The following CASQ1 variants were observed in gnomAD, a reference collection of about 807,000 sequenced individuals.
CASQ1 encodes calsequestrin 1.
CASQ1 carries 40 observed loss-of-function variants against 49.5 expected under a neutral mutation model. The observed-to-expected ratio is 0.81, with a 90% CI of 0.63 to 1.05. CASQ1 has a LOEUF of 1.05. CASQ1 is among the 50% of genes least tolerant of loss of function. The pLI is 0.00. For missense variants in CASQ1, 469 were observed against 486.9 expected (o/e 0.96, Z 0.35); for synonymous variants, 174 against 187.2 (o/e 0.93, Z 0.58).
At chr1:160,195,794 C>T (rs1438418500) in intron 5 of CASQ1, 103 bp from the exon 6 acceptor site, 49 of 1,330,540 alleles carry the variant, frequency 3.7e-5, no homozygotes, top group African/African-American at 5.8e-5. Flanking sequence ...ACAAGGATCC[C>T]GGCTTTCTGA....
intron 10 of CASQ1, 71 bp from the exon 11 acceptor site, chr1:160,201,174 A>T: frequency 6.7e-7 from 1 of 1,493,574 alleles, no homozygotes; most frequent in Non-Finnish European, 9.2e-7. Flanking sequence ...TACAGAGTCC[A>T]GTGAGTGGGA....
intron 8 of CASQ1, 50 bp from the exon 9 acceptor site, chr1:160,198,891 GTTTCACCTGGGT>G (rs1414969139): frequency 1.6e-6 from 2 of 1,220,718 alleles, no homozygotes; most frequent in African/African-American, 3.0e-5. Flanking sequence ...CTGCACTCCT[GTTTCACCTGGGT>G]CCCTTTCCTC....
At chr1:160,193,985 CACCACACGCACACACACCATA>C (rs1654141966) in intron 3 of CASQ1, 138 bp downstream of exon 3, 1 of 624,326 alleles carries the variant, frequency 1.6e-6, no homozygotes, top group Non-Finnish European at 2.9e-6. Context: ...ACCATACATA[CACCACACGCACACACACCATA>C]CATACACACA....
At chr1:160,193,542 C>G (rs542501041) in intron 2 of CASQ1, among the ~76,000 whole-genome samples, 6 of 152,142 alleles carry the variant, frequency 3.9e-5, no homozygotes, top group African/African-American at 1.4e-4. Flanking sequence ...ACGCTAGCCC[C>G]CTAGGCTTAA....
At chr1:160,193,598 G>T (rs1179687666) in intron 2 of CASQ1, 149 bp from the exon 3 acceptor site, 2 of 573,850 alleles carry the variant, frequency 3.5e-6, no homozygotes, top group Non-Finnish European at 6.2e-6. Context: ...GGTCAGAGGA[G>T]GTGGGTGGGG....
chr1:160,201,086 TAAC>T, intron 10 of CASQ1, among the ~76,000 whole-genome samples, 156 bp from the exon 11 acceptor site: 1 of 1,370 alleles, frequency 7.3e-4, no homozygotes, highest in Non-Finnish European at 1.5e-3. Context: ...TTCTAACCCA[TAAC>T]CCATACCTTC....
chr1:160,200,299 A>T (rs1458370384), intron 10 of CASQ1, among the ~76,000 whole-genome samples: 2 of 152,232 alleles, frequency 1.3e-5, no homozygotes. Context: ...TCAGGGCAGA[A>T]GTCTTCTTAT....
intron 4 of CASQ1, 63 bp from the exon 5 acceptor site, chr1:160,195,398 G>A: frequency 6.9e-7 from 1 of 1,457,828 alleles, no homozygotes; most frequent in Non-Finnish European, 9.6e-7. Flanking sequence ...GGACGATAGT[G>A]GGGGATGATT....
Position 160,201,202 on chromosome 1 carries a change from C to T in CASQ1, c.1060-43C>T, listed in dbSNP as rs200084867. Reference sequence around the variant, plus strand: ...GAGTGGGAAGACAGATCCTAAGACCCGGGTTGGACTTAGCTTCCGTCCCTG... The same window carrying T: ...GAGTGGGAAGACAGATCCTAAGACCTGGGTTGGACTTAGCTTCCGTCCCTG... On this transcript the variant is annotated intron_variant, in intron 10 of 10. Transcript: ENST00000368078. 8.2e-4 allele frequency: 1,307 copies of T among 1,596,556 alleles called. 17 individuals carry two copies. In the South Asian group the frequency reaches 0.012, roughly 15 times the overall value.
At chr1:160,192,181 G>A (rs1041185417) in intron 1 of CASQ1, among the ~76,000 whole-genome samples, 1 of 151,442 alleles carries the variant, frequency 6.6e-6, no homozygotes, top group Admixed American at 6.6e-5. Context: ...GAAGTAGAGT[G>A]CGAAAGGGGA....
chr1:160,199,357 C>T (rs2101678247), intron 9 of CASQ1, among the ~76,000 whole-genome samples: 1 of 152,306 alleles, frequency 6.6e-6, no homozygotes, highest in South Asian at 2.1e-4. Context: ...GGTATACACA[C>T]TCAATCATAG....
intron 10 of CASQ1, among the ~76,000 whole-genome samples, chr1:160,200,986 A>G (rs1395715460): frequency 6.6e-6 from 1 of 152,242 alleles, no homozygotes; most frequent in Non-Finnish European, 1.5e-5. Context: ...ATAATAGGGA[A>G]GTTCAGTGTG....
intron 3 of CASQ1, 57 bp downstream of exon 3, chr1:160,193,904 A>G: frequency 9.1e-7 from 1 of 1,093,624 alleles, no homozygotes; most frequent in Middle Eastern, 2.1e-4. Flanking sequence ...CCTGCCCCCT[A>G]GTCCCTACCA....
intron 10 of CASQ1, among the ~76,000 whole-genome samples, chr1:160,200,453 C>T (rs1654343356): frequency 6.6e-6 from 1 of 152,058 alleles, no homozygotes; most frequent in Non-Finnish European, 1.5e-5. Flanking sequence ...AATAACGATA[C>T]AAATAAGACA....
intron 2 of CASQ1, 105 bp from the exon 3 acceptor site, chr1:160,193,642 C>A (rs532007311): frequency 1.4e-6 from 1 of 689,814 alleles, no homozygotes; most frequent in South Asian, 1.9e-5. Context: ...TGTGGGGCCC[C>A]GGTGATTATC....
At chr1:160,195,324 C>T in intron 4 of CASQ1, 137 bp from the exon 5 acceptor site, 1 of 831,500 alleles carries the variant, frequency 1.2e-6, no homozygotes. Flanking sequence ...ATTCCACCTT[C>T]CCCTCACTCT....
chr1:160,191,133 G>A, intron 1 of CASQ1, 103 bp downstream of exon 1: 1 of 1,267,786 alleles, frequency 7.9e-7, no homozygotes, highest in Non-Finnish European at 1.1e-6. Context: ...CTGGGGGTGA[G>A]GGGCAGTGTG....
At chr1:160,191,882 C>G (rs564272589) in intron 1 of CASQ1, among the ~76,000 whole-genome samples, 2 of 152,314 alleles carry the variant, frequency 1.3e-5, no homozygotes, top group African/African-American at 4.8e-5. Flanking sequence ...GGGTGAGACA[C>G]CAGAACCACA....
chr1:160,193,811 G>A lies in CASQ1; in HGVS notation c.429G>A (p.Glu143=). ...KGDEVIEYDG[E]FSADTIVEFL... Reference sequence around the variant, plus strand: ...ATGAAGTCATTGAGTACGATGGCGAGTTTTCTGCTGACACCATCGTGGAGT... The same window carrying A: ...ATGAAGTCATTGAGTACGATGGCGAATTTTCTGCTGACACCATCGTGGAGT... Residue 143 remains glutamate (E), a synonymous_variant, in exon 3 of 11, where the codon GAG becomes GAA. Coordinates refer to ENST00000368078, the MANE Select transcript of CASQ1 (RefSeq NM_001231.5). The A allele has an allele frequency of 6.2e-7, 1 of 1,613,004 alleles. No individual in the cohort carries two copies.
Sources: gnomAD v4.1 joint callset for allele counts (sites outside exome capture counted in the v4.1 genomes callset) on GRCh38, gnomAD v4.1.1 for gene constraint, MANE v1.5 for transcripts, NCBI Gene and HGNC (gene_info 2026-07-23, HGNC 2026-07-21) for gene names.